Variants in CNTN6 observed in about 807,000 individuals in gnomAD.
CNTN6 encodes the protein contactin 6, also known as contactin-6.
In CNTN6, 137 loss-of-function variants were observed where a neutral mutation model predicts 122.8. The observed-to-expected ratio is 1.12, with a 90% CI of 0.97 to 1.29. The LOEUF is 1.29. Among genes scored for constraint, CNTN6 ranks in the 50% most tolerant of loss-of-function variants. The pLI, the probability that CNTN6 is intolerant of heterozygous loss-of-function variation, is 0.00. For synonymous variants in CNTN6, 570 were observed against 426.0 expected (o/e 1.34, Z -4.16); for missense variants, 1,634 against 1,223.4 (o/e 1.34, Z -5.01).
intron 10 of CNTN6, among the ~76,000 whole-genome samples, chr3:1,327,811 C>T (rs1464287020): frequency 6.6e-6 from 1 of 151,794 alleles, no homozygotes; most frequent in African/African-American, 2.4e-5. Context: ...TGCATCCAAA[C>T]CGGAGGAAGC....
At position 1,245,243 on chromosome 3, in the gene CNTN6, C is replaced by CA. The variant is rs1237045524; in HGVS notation, c.358+17251dup. ...ATATATATATATATATATACACACACACATATATATATAACATATATATAT... is the reference window on the plus strand; with the variant it reads ...ATATATATATATATATATACACACACAACATATATATATAACATATATATAT... On this transcript the variant is annotated intron_variant, in intron 4 of 22. Transcript: ENST00000446702. 1.8e-4 allele frequency among the ~76,000 whole-genome samples: 2 copies of CA among 10,902 alleles called. 1 individual carries two copies. Among genetic ancestry groups the CA allele is most frequent in the African/African-American group, 8.3e-4 (2 of 2,408 alleles). The allele number at this position is 10,902 out of a possible 152,430, so 7.2% of individuals were successfully genotyped here.
intron 2 of CNTN6, among the ~76,000 whole-genome samples, chr3:1,209,162 C>T (rs2093998501): frequency 6.6e-6 from 1 of 152,168 alleles, no homozygotes; most frequent in Non-Finnish European, 1.5e-5. Context: ...TGCTTAATCT[C>T]AAATCACAAG....
At chr3:1,138,352 CTT>C (rs554869288) in intron 1 of CNTN6, among the ~76,000 whole-genome samples, 3,107 of 147,310 alleles carry the variant, frequency 0.021, 120 homozygotes, top group African/African-American at 0.072. Context: ...TTATTCTCTG[CTT>C]TTTTTTTTTC....
intron 7 of CNTN6, among the ~76,000 whole-genome samples, chr3:1,317,456 G>C (rs1408419033): frequency 2.0e-5 from 3 of 151,748 alleles, no homozygotes; most frequent in Non-Finnish European, 2.9e-5. Context: ...TTGGCTAACT[G>C]AAACGTTCAA....
chr3:1,273,564 C>T (rs761810470), intron 4 of CNTN6, among the ~76,000 whole-genome samples: 14 of 152,254 alleles, frequency 9.2e-5, no homozygotes, highest in Non-Finnish European at 1.0e-4. Flanking sequence ...AGACCTTGTT[C>T]AAAGCATATC....
chr3:1,384,772 C>CATAT lies in CNTN6; in HGVS notation c.2518-817_2518-814dup, dbSNP rs66929153. Among the ~76,000 whole-genome samples, 746 of 120,890 alleles carry CATAT rather than the reference C, an allele frequency of 6.2e-3. 8 individuals carry two copies. The highest frequency in any genetic ancestry group is 0.033 in the East Asian group (146 of 4,362). The allele number at this position is 120,890 out of a possible 152,430, so 79.3% of individuals were successfully genotyped here. On this transcript the variant is annotated intron_variant, in intron 19 of 22. Coordinates refer to ENST00000446702, the MANE Select transcript of CNTN6 (RefSeq NM_001289080.2). Reference sequence around the variant, plus strand: ...ACACATATATATACATATATATACACATATATATATATATATATATATATA... The same window carrying CATAT: ...ACACATATATATACATATATATACACATATATATATATATATATATATATATATA...
At position 1,372,847 on chromosome 3, in the gene CNTN6, G is replaced by A. The variant is rs1206172158; in HGVS notation, c.1678G>A (p.Gly560Arg). Residue 560 changes from glycine to arginine, a missense_variant, in exon 14 of 23, where the codon GGG becomes AGG. Transcript: ENST00000446702. ...CCCTTTCTGTCTGCAGGAATCTGTTGGGGATTTGATGATAAGGAATATTCA... is the reference window on the plus strand; with the variant it reads ...CCCTTTCTGTCTGCAGGAATCTGTTAGGGATTTGATGATAAGGAATATTCA... Reference protein sequence around the residue: ...HFERIGGESVGDLMIRNIQLH... With the variant: ...HFERIGGESVRDLMIRNIQLH... 6.3e-7 allele frequency: 1 copy of A among 1,590,552 alleles called. No individual in the cohort carries two copies. Among genetic ancestry groups the A allele is most frequent in the Non-Finnish European group, 8.6e-7 (1 of 1,162,434 alleles).
chr3:1,378,676 T>A (rs1161566372), intron 17 of CNTN6, among the ~76,000 whole-genome samples: 1 of 152,086 alleles, frequency 6.6e-6, no homozygotes, highest in Non-Finnish European at 1.5e-5. Flanking sequence ...TATCATTCAG[T>A]CCCCACAATA....
chr3:1,133,003 A>G (rs2092380370), intron 1 of CNTN6, among the ~76,000 whole-genome samples: 1 of 152,090 alleles, frequency 6.6e-6, no homozygotes, highest in African/African-American at 2.4e-5. Context: ...GCAACCAATC[A>G]CCCACTCATT....
At position 1,252,491 on chromosome 3, in the gene CNTN6, C is replaced by T. The variant is rs538167666; in HGVS notation, c.358+24498C>T. 4.6e-5 allele frequency among the ~76,000 whole-genome samples: 7 copies of T among 152,174 alleles called. No individual in the cohort carries two copies. The South Asian group carries it at 1.2e-3, about 27-fold the overall frequency. On this transcript the variant is annotated intron_variant, in intron 4 of 22. Coordinates refer to ENST00000446702, the MANE Select transcript of CNTN6 (RefSeq NM_001289080.2). ...AATTTTTTCTTATACAAATCATAAA[C>T]ACAGATGGATGAATATTTGTTAATT...
chr3:1,179,353 A>G (rs781060861), intron 2 of CNTN6, among the ~76,000 whole-genome samples: 3 of 152,106 alleles, frequency 2.0e-5, no homozygotes, highest in Non-Finnish European at 4.4e-5. Flanking sequence ...GTCTCTACCC[A>G]CACACTTTTG....
chr3:1,139,824 G>C (rs937673498), intron 1 of CNTN6, among the ~76,000 whole-genome samples: 2 of 152,160 alleles, frequency 1.3e-5, no homozygotes, highest in African/African-American at 4.8e-5. Flanking sequence ...TGCCTTACTT[G>C]AGCACAGTTT....
In CNTN6 at chr3:1,325,746, T is replaced by A; in HGVS notation, c.947-69T>A. The A allele has an allele frequency of 1.9e-6, 3 of 1,547,006 alleles. No homozygotes were observed. The Admixed American group carries it at 5.4e-5, about 28-fold the overall frequency. On this transcript the variant is annotated intron_variant, in intron 8 of 22. Coordinates refer to ENST00000446702, the MANE Select transcript of CNTN6 (RefSeq NM_001289080.2). ...CTTGTCCTTCTGATCTCTACAGCCCTTGTAATGTAGCATAATGTCTTGGAT... is the reference window on the plus strand; with the variant it reads ...CTTGTCCTTCTGATCTCTACAGCCCATGTAATGTAGCATAATGTCTTGGAT...
At chr3:1,104,175 G>C (rs1480078363) in intron 1 of CNTN6, among the ~76,000 whole-genome samples, 2 of 151,994 alleles carry the variant, frequency 1.3e-5, no homozygotes, top group Non-Finnish European at 1.5e-5. Context: ...AGGTGGAAAG[G>C]GGGGCTAACA....
intron 4 of CNTN6, among the ~76,000 whole-genome samples, chr3:1,245,794 A>T (rs986344900): frequency 1.3e-5 from 2 of 152,156 alleles, no homozygotes; most frequent in Non-Finnish European, 2.9e-5. Flanking sequence ...ATGGAAATCC[A>T]TTGAAATGTT....
chr3:1,262,735 C>T (rs549994118), intron 4 of CNTN6, among the ~76,000 whole-genome samples: 6 of 151,996 alleles, frequency 3.9e-5, no homozygotes, highest in Non-Finnish European at 8.8e-5. Context: ...GTAACCAGTT[C>T]AGTGACCTTT....
chr3:1,200,933 C>T (rs372979239), intron 2 of CNTN6, among the ~76,000 whole-genome samples: 34 of 140,956 alleles, frequency 2.4e-4, no homozygotes, highest in South Asian at 4.4e-4. Flanking sequence ...TTCTTTTTTT[C>T]TTTTTTTTTT....
chr3:1,275,004 A>T (rs1169716308), intron 4 of CNTN6, among the ~76,000 whole-genome samples: 1 of 152,152 alleles, frequency 6.6e-6, no homozygotes, highest in African/African-American at 2.4e-5. Flanking sequence ...AACCAGCACC[A>T]AAAACTTTCT....
At chr3:1,111,071 G>A (rs1325021075) in intron 1 of CNTN6, among the ~76,000 whole-genome samples, 1 of 152,124 alleles carries the variant, frequency 6.6e-6, no homozygotes, top group Non-Finnish European at 1.5e-5. Flanking sequence ...ATTGTATGGA[G>A]GATTAAGTGA....
Sources: allele counts gnomAD v4.1 joint callset (sites outside exome capture counted in the v4.1 genomes callset), GRCh38; gene constraint gnomAD v4.1.1; transcripts MANE v1.5; gene names NCBI Gene and HGNC (gene_info 2026-07-23, HGNC 2026-07-21).